PCDHA13: variants seen among roughly 807,000 people sequenced by gnomAD.
PCDHA13 encodes the protein protocadherin alpha 13.
A neutral mutation model predicts 64.8 loss-of-function variants in PCDHA13; 54 were observed. That is an observed-to-expected ratio of 0.83 (90% CI 0.67 to 1.04). The LOEUF is 1.04. PCDHA13 is among the 50% of genes least tolerant of loss of function. PCDHA13 has a pLI of 0.00. For synonymous variants in PCDHA13, 587 were observed against 564.4 expected (o/e 1.04, Z -0.57); for missense variants, 1,248 against 1,254.3 (o/e 0.99, Z 0.08).
At chr5:140,927,824 A>C in intron 1 of PCDHA13, 1 of 1,614,182 alleles carries the variant, frequency 6.2e-7, no homozygotes, top group Non-Finnish European at 8.5e-7. Context: ...GCATACATTG[A>C]GGCGAGGGAC....
intron 1 of PCDHA13, among the ~76,000 whole-genome samples, chr5:140,920,261 A>T (rs535022961): frequency 3.3e-4 from 50 of 152,226 alleles, no homozygotes; most frequent in Non-Finnish European, 2.8e-4. Context: ...TATAATAATT[A>T]TTACTTTATG....
At position 140,983,206 on chromosome 5, in the gene PCDHA13, C is replaced by G. The variant is rs184479967; in HGVS notation, c.2542+643C>G. 1.8e-3 allele frequency among the ~76,000 whole-genome samples: 271 copies of G among 152,316 alleles called. 2 individuals are homozygous for G. Among genetic ancestry groups the G allele is most frequent in the South Asian group, 2.5e-3 (12 of 4,822 alleles). On this transcript the variant is annotated intron_variant, in intron 3 of 3. Transcript: ENST00000289272. ...TCTTAGTTTAGAGGGATAATAGGGA[C>G]TATTTCCTAATCCAAACTTTCAGGA...
Position 140,883,852 on chromosome 5 carries a change from G to A in PCDHA13, c.1584G>A (p.Leu528=), listed in dbSNP as rs1554180292. 1 of 1,612,972 alleles carries A rather than the reference G, an allele frequency of 6.2e-7. No homozygotes were observed. The change falls in exon 1 of 4, where the codon CTG becomes CTA. Residue 528 remains leucine (L), a synonymous_variant. Coordinates refer to ENST00000289272, the MANE Select transcript of PCDHA13 (RefSeq NM_018904.3). ...TGCAGCCGTTGGACCACGAGGAGCT[G>A]GAGCTGTTGCAGTTCCAGGTGAGCG... ...YALQPLDHEE[L]ELLQFQVSAR... is the part of the protein sequence containing the mutation.
At position 140,983,424 on chromosome 5, in the gene PCDHA13, A is replaced by G. The variant is rs115903969; in HGVS notation, c.2542+861A>G. On this transcript the variant is annotated intron_variant, in intron 3 of 3. Transcript: ENST00000289272. ...GGAAGATTAAGTGTTGGTAGAGACC[A>G]CAAATTGTGTCTACTCTAATCCTCT... Among the ~76,000 whole-genome samples, 1,234 of 152,366 alleles carry G rather than the reference A, an allele frequency of 8.1e-3. 22 individuals are homozygous for G. Among genetic ancestry groups the G allele is most frequent in the African/African-American group, 0.028 (1,160 of 41,578 alleles).
intron 1 of PCDHA13, among the ~76,000 whole-genome samples, chr5:140,895,520 A>G (rs1053295495): frequency 6.6e-6 from 1 of 152,116 alleles, no homozygotes; most frequent in South Asian, 2.1e-4. Context: ...TAATTGGTTT[A>G]TTCGTTTTTC....
intron 1 of PCDHA13, among the ~76,000 whole-genome samples, chr5:140,953,431 G>A (rs782512202): frequency 6.6e-5 from 10 of 152,088 alleles, no homozygotes; most frequent in Non-Finnish European, 1.2e-4. Flanking sequence ...TTGTCCTTAA[G>A]CTGGAGAAAC....
chr5:140,894,892 G>T (rs941698896), intron 1 of PCDHA13, among the ~76,000 whole-genome samples: 8 of 152,060 alleles, frequency 5.3e-5, no homozygotes, highest in Non-Finnish European at 1.0e-4. Flanking sequence ...AACAGACCAG[G>T]ATAATTTTCC....
intron 1 of PCDHA13, among the ~76,000 whole-genome samples, chr5:140,896,910 T>C (rs1174063416): frequency 1.3e-5 from 2 of 152,208 alleles, no homozygotes; most frequent in Non-Finnish European, 2.9e-5. Context: ...AAGCATGCAA[T>C]GCACAATAAT....
chr5:140,997,357 A>G (rs1309712075), intron 3 of PCDHA13, among the ~76,000 whole-genome samples: 1 of 152,218 alleles, frequency 6.6e-6, no homozygotes, highest in Non-Finnish European at 1.5e-5. Flanking sequence ...ATGTACTTAC[A>G]TAAACCTAGA....
chr5:140,918,496 A>G lies in PCDHA13; in HGVS notation c.2394+33834A>G, dbSNP rs79827125. Among the ~76,000 whole-genome samples the G allele has an allele frequency of 8.0e-3, 1,215 of 152,276 alleles. 6 individuals are homozygous for G. Among genetic ancestry groups the G allele is most frequent in the African/African-American group, 0.019 (784 of 41,558 alleles). On this transcript the variant is annotated intron_variant, in intron 1 of 3. Transcript: ENST00000289272. ...TCTCAAGGGGAATGCTTTGGATGGT[A>G]CCAATCCTTTTAAACTTATTGAGGA...
intron 1 of PCDHA13, among the ~76,000 whole-genome samples, chr5:140,941,319 C>CTT (rs70988781): frequency 9.6e-6 from 1 of 104,394 alleles, no homozygotes; most frequent in African/African-American, 3.7e-5. Flanking sequence ...TCTTCTTTCT[C>CTT]TTTTTTTTTT....
chr5:140,941,210 T>TTC (rs2092846943), intron 1 of PCDHA13, among the ~76,000 whole-genome samples: 12 of 100,630 alleles, frequency 1.2e-4, no homozygotes, highest in Admixed American at 4.7e-4. Context: ...TTCCTTTCTT[T>TTC]CTTCCTTTCT....
intron 3 of PCDHA13, among the ~76,000 whole-genome samples, chr5:141,006,816 G>C (rs1554260932): frequency 6.6e-6 from 1 of 152,082 alleles, no homozygotes; most frequent in African/African-American, 2.4e-5. Flanking sequence ...TGAGAAATGG[G>C]GTAAATGGGG....
chr5:140,884,457 G>A lies in PCDHA13; in HGVS notation c.2189G>A (p.Gly730Asp). Residue 730 changes from glycine to aspartate, a missense_variant, in exon 1 of 4, where the codon GGC (glycine) becomes GAC (aspartate). Transcript: ENST00000289272. Reference protein sequence around the residue: ...ALRCSAPPTEGACAPGKPTLV... With the variant: ...ALRCSAPPTEDACAPGKPTLV... ...CGGTGCTCGGCACCGCCCACCGAGG[G>A]CGCGTGCGCGCCGGGCAAGCCCACT... The A allele has an allele frequency of 6.2e-7, 1 of 1,613,758 alleles. No homozygotes were observed. Among genetic ancestry groups the A allele is most frequent in the Non-Finnish European group, 8.5e-7 (1 of 1,179,802 alleles).
At chr5:140,980,730 A>G (rs1227353445) in intron 2 of PCDHA13, among the ~76,000 whole-genome samples, 2 of 152,176 alleles carry the variant, frequency 1.3e-5, no homozygotes, top group Non-Finnish European at 2.9e-5. Context: ...CAATTAAGAT[A>G]TTATGAGATT....
At chr5:140,967,189 C>T (rs1554229286) in intron 1 of PCDHA13, 2 of 1,613,522 alleles carry the variant, frequency 1.2e-6, no homozygotes, top group Admixed American at 1.7e-5. Flanking sequence ...TATTGGACAT[C>T]AACGACAACT....
chr5:140,918,006 TG>T (rs1358735901), intron 1 of PCDHA13, among the ~76,000 whole-genome samples: 6 of 152,208 alleles, frequency 3.9e-5, no homozygotes, highest in Non-Finnish European at 7.3e-5. Flanking sequence ...TTAACAATGT[TG>T]TTTCTTCCTA....
intron 1 of PCDHA13, among the ~76,000 whole-genome samples, chr5:140,920,752 G>A (rs2079807244): frequency 6.6e-6 from 1 of 151,768 alleles, no homozygotes; most frequent in African/African-American, 2.4e-5. Context: ...GCTGAGGCAG[G>A]AGAATTGCTT....
intron 1 of PCDHA13, chr5:140,967,680 GGCAGCTCTTCA>G: frequency 6.2e-7 from 1 of 1,614,228 alleles, no homozygotes; most frequent in East Asian, 2.2e-5. Flanking sequence ...GACCGGGAGA[GGCAGCTCTTCA>G]GCATAGATGC....
Sources: allele counts gnomAD v4.1 joint callset (sites outside exome capture counted in the v4.1 genomes callset), GRCh38; gene constraint gnomAD v4.1.1; transcripts MANE v1.5; gene names NCBI Gene and HGNC (gene_info 2026-07-23, HGNC 2026-07-21).